The following RABGAP1L variants were observed in gnomAD, a reference collection of about 807,000 sequenced individuals.
The protein encoded by RABGAP1L is RAB GTPase activating protein 1 like.
In RABGAP1L, 63 loss-of-function variants were observed where a neutral mutation model predicts 137.7. The ratio of observed to expected loss-of-function variants is 0.46; its 90% confidence interval spans 0.37 to 0.56. RABGAP1L has a LOEUF of 0.56. Among genes scored for constraint, RABGAP1L ranks in the 20% least tolerant of loss-of-function variants. The probability of loss-of-function intolerance (pLI) is 0.00; values close to 1 mark genes in which losing one functional copy is unlikely to be tolerated. For synonymous variants in RABGAP1L, 431 were observed against 433.7 expected (o/e 0.99, Z 0.08); for missense variants, 1,095 against 1,244.0 (o/e 0.88, Z 1.80).
At chr1:174,557,529 G>A (rs1666954667) in intron 13 of RABGAP1L, among the ~76,000 whole-genome samples, 1 of 152,162 alleles carries the variant, frequency 6.6e-6, no homozygotes, top group Non-Finnish European at 1.5e-5. Context: ...GTAAGAGCAG[G>A]TGCTAGCACC....
At chr1:174,892,048 C>T (rs1032142295) in intron 19 of RABGAP1L, among the ~76,000 whole-genome samples, 4 of 152,184 alleles carry the variant, frequency 2.6e-5, no homozygotes, top group Admixed American at 6.5e-5. Context: ...GGCCACAGTC[C>T]GGGTGGGCAT....
intron 13 of RABGAP1L, among the ~76,000 whole-genome samples, chr1:174,469,917 G>A (rs1558261406): frequency 6.6e-6 from 1 of 151,922 alleles, no homozygotes; most frequent in South Asian, 2.1e-4. Flanking sequence ...GCCTCGTGGG[G>A]AACTAGGCAC....
At chr1:174,487,818 G>T (rs1316964358) in intron 13 of RABGAP1L, among the ~76,000 whole-genome samples, 1 of 151,984 alleles carries the variant, frequency 6.6e-6, no homozygotes, top group African/African-American at 2.4e-5. Flanking sequence ...GTTACCGTGA[G>T]ACTTGCAAGT....
At position 174,434,151 on chromosome 1, in the gene RABGAP1L, A is replaced by ACACACACACACACC. The variant is rs1361968902; in HGVS notation, c.1710+40007_1710+40008insACACACACACACCC. On this transcript the variant is annotated intron_variant, in intron 13 of 25. Coordinates refer to ENST00000681986, the MANE Select transcript of RABGAP1L (RefSeq NM_001366446.1). The stretch of plus-strand genomic sequence containing the variant: ...CACACACACACACACACACACACAC[A>ACACACACACACACC]CCCTGCCTGGGGCAACTAGGGTTCT... Among the ~76,000 whole-genome samples, 499 of 147,576 alleles carry ACACACACACACACC rather than the reference A, an allele frequency of 3.4e-3. 3 individuals carry two copies. The highest frequency in any genetic ancestry group is 6.8e-3 in the Admixed American group (101 of 14,816).
chr1:174,442,238 C>T (rs1654239672), intron 13 of RABGAP1L, among the ~76,000 whole-genome samples: 1 of 111,680 alleles, frequency 9.0e-6, no homozygotes, highest in Non-Finnish European at 1.7e-5. Flanking sequence ...ATTTATTTTT[C>T]TTGTACTAGA....
intron 18 of RABGAP1L, among the ~76,000 whole-genome samples, chr1:174,772,567 C>CAAAAAAA (rs60690186): frequency 5.7e-5 from 3 of 53,060 alleles, no homozygotes; most frequent in African/African-American, 2.5e-4. Flanking sequence ...GACTCCATCT[C>CAAAAAAA]AAAAAAAAAA....
chr1:174,667,634 C>T (rs1282557627), intron 14 of RABGAP1L, among the ~76,000 whole-genome samples: 1 of 152,202 alleles, frequency 6.6e-6, no homozygotes, highest in Non-Finnish European at 1.5e-5. Flanking sequence ...CCTTCAAAAA[C>T]AGGTGGTCAA....
chr1:174,859,791 C>A (rs1649960089), intron 19 of RABGAP1L, among the ~76,000 whole-genome samples: 2 of 151,990 alleles, frequency 1.3e-5, no homozygotes, highest in Non-Finnish European at 2.9e-5. Context: ...CCCCATGGCA[C>A]ACGTTTGCCT....
At chr1:174,225,121 T>C (rs1468050215) in intron 3 of RABGAP1L, among the ~76,000 whole-genome samples, 2 of 152,156 alleles carry the variant, frequency 1.3e-5, no homozygotes, top group East Asian at 3.8e-4. Context: ...CTTAGGCTCT[T>C]TTCATTGTTT....
At chr1:174,612,272 T>C (rs556906484) in intron 13 of RABGAP1L, among the ~76,000 whole-genome samples, 46 of 152,352 alleles carry the variant, frequency 3.0e-4, no homozygotes, top group Non-Finnish European at 3.2e-4. Context: ...TGAAGCATTG[T>C]TGAATTTTGT....
chr1:174,920,850 C>A (rs1158779683), intron 19 of RABGAP1L, among the ~76,000 whole-genome samples: 1 of 152,178 alleles, frequency 6.6e-6, no homozygotes, highest in Admixed American at 6.5e-5. Context: ...CAACCTTTAT[C>A]TTGGATTTCT....
At chr1:174,315,332 C>T (rs911461282) in intron 11 of RABGAP1L, among the ~76,000 whole-genome samples, 2 of 151,970 alleles carry the variant, frequency 1.3e-5, no homozygotes, top group African/African-American at 4.8e-5. Context: ...TTTCTTGTTT[C>T]AGTTGGCATG....
At chr1:174,386,665 G>T (rs1396057394) in intron 12 of RABGAP1L, among the ~76,000 whole-genome samples, 1 of 151,918 alleles carries the variant, frequency 6.6e-6, no homozygotes, top group African/African-American at 2.4e-5. Flanking sequence ...GGGCCACCAC[G>T]CCTGGCTAAT....
At chr1:174,511,422 A>C (rs10912799) in intron 13 of RABGAP1L, among the ~76,000 whole-genome samples, 7 of 151,738 alleles carry the variant, frequency 4.6e-5, no homozygotes, top group African/African-American at 1.7e-4. Context: ...AAGAAGCATG[A>C]ATTTAGAACA....
chr1:174,272,542 T>C (rs977333947), intron 8 of RABGAP1L, 62 bp downstream of exon 8: 11 of 1,407,934 alleles, frequency 7.8e-6, no homozygotes, highest in Non-Finnish European at 9.3e-6. Flanking sequence ...ATTTGACAAG[T>C]ATTTTCTATT....
chr1:174,686,685 T>C (rs1169052915), intron 15 of RABGAP1L, among the ~76,000 whole-genome samples: 1 of 129,790 alleles, frequency 7.7e-6, no homozygotes, highest in East Asian at 2.4e-4. Context: ...TGAGATGGAG[T>C]CTCGCTCAGT....
chr1:174,514,997 A>G (rs1318717147), intron 13 of RABGAP1L, among the ~76,000 whole-genome samples: 1 of 152,188 alleles, frequency 6.6e-6, no homozygotes, highest in Non-Finnish European at 1.5e-5. Context: ...AACATTATTC[A>G]TCCCATTATA....
intron 19 of RABGAP1L, among the ~76,000 whole-genome samples, chr1:174,820,753 G>A (rs545358960): frequency 6.6e-6 from 1 of 151,902 alleles, no homozygotes; most frequent in African/African-American, 2.4e-5. Flanking sequence ...CCCTGGGCTC[G>A]CCCCTGTAAT....
At chr1:174,240,844 T>G (rs1671750464) in intron 4 of RABGAP1L, among the ~76,000 whole-genome samples, 1 of 152,206 alleles carries the variant, frequency 6.6e-6, no homozygotes, top group Non-Finnish European at 1.5e-5. Context: ...CAGGCACGTA[T>G]ACTTAGCTTT....
Sources: gnomAD v4.1 joint callset for allele counts (sites outside exome capture counted in the v4.1 genomes callset) on GRCh38, gnomAD v4.1.1 for gene constraint, MANE v1.5 for transcripts, NCBI Gene and HGNC (gene_info 2026-07-23, HGNC 2026-07-21) for gene names.